COG5: variants seen among roughly 807,000 people sequenced by gnomAD.
COG5 encodes conserved oligomeric Golgi complex subunit 5.
COG5 carries 86 observed loss-of-function variants against 110.4 expected under a neutral mutation model. The observed-to-expected ratio is 0.78, with a 90% CI of 0.65 to 0.93. COG5 has a LOEUF of 0.93. COG5 is among the 40% of genes least tolerant of loss of function. The pLI is 0.00. For synonymous variants in COG5, 360 were observed against 334.6 expected, an observed-to-expected ratio of 1.08 and a Z score of -0.83; for missense variants, 1,077 against 987.0, an observed-to-expected ratio of 1.09 and a Z score of -1.22.
intron 6 of COG5, among the ~76,000 whole-genome samples, chr7:107,478,183 G>T (rs1407252063): frequency 6.6e-6 from 1 of 151,910 alleles, no homozygotes; most frequent in Non-Finnish European, 1.5e-5. Context: ...TCAACAAGAT[G>T]TGGTAAATTT....
intron 11 of COG5, among the ~76,000 whole-genome samples, chr7:107,300,181 C>T (rs529980592): frequency 1.3e-5 from 2 of 152,142 alleles, no homozygotes; most frequent in African/African-American, 2.4e-5. Flanking sequence ...AAGGAACACA[C>T]CCTTAACCTA....
chr7:107,417,434 T>A (rs1021483002), intron 6 of COG5, among the ~76,000 whole-genome samples: 4 of 152,300 alleles, frequency 2.6e-5, no homozygotes, highest in South Asian at 4.1e-4. Context: ...CAGCTCCCAA[T>A]ATTTCATCAA....
At chr7:107,440,014 G>T (rs1563036054) in intron 6 of COG5, among the ~76,000 whole-genome samples, 1 of 152,064 alleles carries the variant, frequency 6.6e-6, no homozygotes, top group East Asian at 1.9e-4. Flanking sequence ...TGAATTTCTT[G>T]ACTAATATAT....
chr7:107,434,788 G>C (rs1159899228), intron 6 of COG5, among the ~76,000 whole-genome samples: 3 of 152,028 alleles, frequency 2.0e-5, no homozygotes, highest in African/African-American at 7.2e-5. Flanking sequence ...GGCTAACACA[G>C]TGAAACCCTG....
At chr7:107,539,642 T>C (rs1356996665) in intron 5 of COG5, among the ~76,000 whole-genome samples, 1 of 152,134 alleles carries the variant, frequency 6.6e-6, no homozygotes, top group Non-Finnish European at 1.5e-5. Context: ...TAATTAGATA[T>C]TGTATTCACA....
At chr7:107,317,551 TAAG>T (rs530980507) in intron 11 of COG5, among the ~76,000 whole-genome samples, 1 of 152,180 alleles carries the variant, frequency 6.6e-6, no homozygotes, top group Non-Finnish European at 1.5e-5. Context: ...TTGAGGGTAT[TAAG>T]AAGAATGTTG....
At chr7:107,361,961 C>T in intron 10 of COG5, 72 bp downstream of exon 10, 1 of 1,027,188 alleles carries the variant, frequency 9.7e-7, no homozygotes, top group East Asian at 2.6e-5. Flanking sequence ...GTAGTAGTAA[C>T]ACAAATGATG....
At chr7:107,522,018 G>C (rs1488498373) in intron 6 of COG5, among the ~76,000 whole-genome samples, 3 of 152,116 alleles carry the variant, frequency 2.0e-5, no homozygotes, top group Middle Eastern at 6.3e-3. Flanking sequence ...ACTAGCACAG[G>C]AATAGAAAAC....
At chr7:107,560,235 T>C (rs142273187) in intron 1 of COG5, among the ~76,000 whole-genome samples, 1 of 152,280 alleles carries the variant, frequency 6.6e-6, no homozygotes, top group African/African-American at 2.4e-5. Context: ...ATCAGGGCTT[T>C]TTCTATTTTC....
chr7:107,558,772 C>T (rs1415082875), intron 1 of COG5, among the ~76,000 whole-genome samples: 1 of 150,504 alleles, frequency 6.6e-6, no homozygotes, highest in Non-Finnish European at 1.5e-5. Context: ...CCTGTAGTCC[C>T]AGCTACTCGA....
At chr7:107,239,569 T>G (rs1402153175) in intron 17 of COG5, among the ~76,000 whole-genome samples, 1 of 152,232 alleles carries the variant, frequency 6.6e-6, no homozygotes, top group East Asian at 1.9e-4. Flanking sequence ...ACAATATTCT[T>G]TCAATTCATG....
chr7:107,234,146 G>C (rs574200168), intron 18 of COG5, among the ~76,000 whole-genome samples: 1 of 152,178 alleles, frequency 6.6e-6, no homozygotes, highest in Non-Finnish European at 1.5e-5. Context: ...GTACAGGGGT[G>C]AACAAAGGAA....
At chr7:107,366,235 A>G (rs1813599570) in intron 8 of COG5, among the ~76,000 whole-genome samples, 1 of 152,112 alleles carries the variant, frequency 6.6e-6, no homozygotes, top group Non-Finnish European at 1.5e-5. Flanking sequence ...TGAAATAGGC[A>G]AGAGGAAATA....
chr7:107,373,326 T>C lies in COG5; in HGVS notation c.670-566A>G, dbSNP rs568242332. 3.9e-5 allele frequency among the ~76,000 whole-genome samples: 6 copies of C among 152,250 alleles called. No homozygotes were observed. In the East Asian group the frequency reaches 1.2e-3, roughly 29 times the overall value. On this transcript the variant is annotated intron_variant, in intron 7 of 21. Coordinates refer to ENST00000297135, the MANE Select transcript of COG5 (RefSeq NM_006348.5). ...CTGTCTTCATGGAACTTACATTTATTGAGAAATGTACAAAACATAAATAAA... is the reference window on the plus strand; with the variant it reads ...CTGTCTTCATGGAACTTACATTTATCGAGAAATGTACAAAACATAAATAAA...
At chr7:107,439,237 C>T (rs979638395) in intron 6 of COG5, among the ~76,000 whole-genome samples, 2 of 152,036 alleles carry the variant, frequency 1.3e-5, no homozygotes, top group African/African-American at 4.8e-5. Context: ...GCAATCATTC[C>T]CATCAGATAT....
chr7:107,282,918 G>A (rs997903649), intron 13 of COG5, among the ~76,000 whole-genome samples: 2 of 152,072 alleles, frequency 1.3e-5, no homozygotes, highest in Non-Finnish European at 2.9e-5. Context: ...TCCTTAAAAC[G>A]TCCATCTCAA....
intron 5 of COG5, among the ~76,000 whole-genome samples, chr7:107,529,020 T>TAAACAAAAA (rs1377374981): frequency 3.0e-5 from 1 of 33,840 alleles, no homozygotes; most frequent in African/African-American, 5.8e-4. Flanking sequence ...CTGAAATACT[T>TAAACAAAAA]AAATAAAAAA....
chr7:107,257,591 C>T (rs3801963), intron 15 of COG5, among the ~76,000 whole-genome samples: 29,847 of 151,854 alleles, frequency 0.2, 3,057 homozygotes, highest in Non-Finnish European at 0.22. Flanking sequence ...ATTATCTTCC[C>T]ATTTATAAAA....
intron 8 of COG5, among the ~76,000 whole-genome samples, chr7:107,364,006 A>C (rs1813370875): frequency 6.6e-6 from 1 of 152,208 alleles, no homozygotes; most frequent in Admixed American, 6.5e-5. Flanking sequence ...CATAGTCTCA[A>C]AGTATGCACC....
Sources: allele counts gnomAD v4.1 joint callset (sites outside exome capture counted in the v4.1 genomes callset), GRCh38; gene constraint gnomAD v4.1.1; transcripts MANE v1.5; gene names NCBI Gene and HGNC (gene_info 2026-07-23, HGNC 2026-07-21).